The following ACBD6 variants were observed in gnomAD, a reference collection of about 807,000 sequenced individuals.
ACBD6 encodes the protein acyl-CoA-binding domain-containing protein 6.
A neutral mutation model predicts 37.2 loss-of-function variants in ACBD6; 28 were observed. The observed-to-expected ratio is 0.75, with a 90% confidence interval of 0.56 to 1.03. ACBD6 has a LOEUF of 1.03. ACBD6 is among the 50% of genes least tolerant of loss of function. ACBD6 has a pLI of 0.00. For synonymous variants in ACBD6, 113 were observed against 126.8 expected (o/e 0.89, Z 0.73); for missense variants, 340 against 337.4 (o/e 1.01, Z -0.06).
intron 2 of ACBD6, among the ~76,000 whole-genome samples, chr1:180,493,041 G>C (rs894077339): frequency 3.9e-5 from 6 of 151,932 alleles, no homozygotes; most frequent in Admixed American, 1.3e-4. Flanking sequence ...CTGAGGTCAG[G>C]AGTTTGAGAC....
chr1:180,350,702 C>A (rs748750633), intron 6 of ACBD6, among the ~76,000 whole-genome samples: 3 of 152,178 alleles, frequency 2.0e-5, no homozygotes, highest in Non-Finnish European at 2.9e-5. Flanking sequence ...ATCACCTAGC[C>A]TTTACAGTAC....
intron 4 of ACBD6, among the ~76,000 whole-genome samples, chr1:180,425,553 C>T (rs527623434): frequency 1.9e-4 from 29 of 152,240 alleles, no homozygotes; most frequent in Middle Eastern, 3.4e-3. Flanking sequence ...TCCAGAATGA[C>T]GGCCTGTTAA....
intron 6 of ACBD6, among the ~76,000 whole-genome samples, chr1:180,374,902 A>G (rs905232631): frequency 1.3e-5 from 2 of 152,162 alleles, no homozygotes; most frequent in Non-Finnish European, 2.9e-5. Context: ...GAATTTAATA[A>G]GAAATGTGTA....
intron 6 of ACBD6, among the ~76,000 whole-genome samples, chr1:180,338,921 C>G (rs1358020785): frequency 6.6e-6 from 1 of 152,166 alleles, no homozygotes. Flanking sequence ...CCAAAAGACA[C>G]ATGAAAAGAT....
intron 7 of ACBD6, among the ~76,000 whole-genome samples, chr1:180,309,065 T>C (rs1178295860): frequency 6.6e-6 from 1 of 152,206 alleles, no homozygotes; most frequent in Admixed American, 6.5e-5. Context: ...ATCTTATTCG[T>C]GTATTTCTAG....
intron 3 of ACBD6, among the ~76,000 whole-genome samples, chr1:180,447,459 ATAT>A (rs1649519495): frequency 6.6e-6 from 1 of 152,124 alleles, no homozygotes; most frequent in African/African-American, 2.4e-5. Context: ...TTAAGAATAA[ATAT>A]TATATTACTC....
intron 6 of ACBD6, among the ~76,000 whole-genome samples, chr1:180,338,779 C>A (rs1245470224): frequency 6.6e-6 from 1 of 152,142 alleles, no homozygotes; most frequent in Non-Finnish European, 1.5e-5. Context: ...GCAATCTACT[C>A]ATCTGACAAA....
chr1:180,420,881 C>A (rs934225590), intron 4 of ACBD6, among the ~76,000 whole-genome samples: 3 of 152,148 alleles, frequency 2.0e-5, no homozygotes, highest in Non-Finnish European at 4.4e-5. Flanking sequence ...TCCCTTCCTG[C>A]CTTAAATCCT....
chr1:180,464,930 GAA>G (rs1242858869), intron 3 of ACBD6, among the ~76,000 whole-genome samples: 1 of 152,034 alleles, frequency 6.6e-6, no homozygotes, highest in Admixed American at 6.6e-5. Context: ...AAGCAATGAG[GAA>G]AAGACTCCCT....
At chr1:180,382,740 A>G (rs1486675290) in intron 6 of ACBD6, among the ~76,000 whole-genome samples, 2 of 152,192 alleles carry the variant, frequency 1.3e-5, no homozygotes, top group Non-Finnish European at 2.9e-5. Flanking sequence ...AAATCAGATA[A>G]GGGCTCAACA....
At chr1:180,303,873 C>A (rs899095399) in intron 7 of ACBD6, among the ~76,000 whole-genome samples, 21 of 150,888 alleles carry the variant, frequency 1.4e-4, no homozygotes, top group African/African-American at 5.1e-4. Context: ...TACTGGCAAA[C>A]CGAATCCAGC....
intron 6 of ACBD6, among the ~76,000 whole-genome samples, chr1:180,337,813 G>A (rs999623038): frequency 5.9e-5 from 9 of 152,062 alleles, no homozygotes; most frequent in East Asian, 1.9e-4. Context: ...AAGTCTCAGG[G>A]TACAAAATCA....
At chr1:180,478,491 CTTT>C (rs761173473) in intron 3 of ACBD6, among the ~76,000 whole-genome samples, 27 of 145,106 alleles carry the variant, frequency 1.9e-4, no homozygotes, top group Admixed American at 2.8e-4. Flanking sequence ...ATAAATCTCT[CTTT>C]TTTTTTTTTT....
chr1:180,292,910 G>A (rs1186995345), intron 7 of ACBD6, among the ~76,000 whole-genome samples: 5 of 148,720 alleles, frequency 3.4e-5, no homozygotes, highest in African/African-American at 1.3e-4. Flanking sequence ...TTTGTTGTGA[G>A]TTTTTGTTGT....
chr1:180,454,923 G>A (rs557223075), intron 3 of ACBD6, among the ~76,000 whole-genome samples: 1 of 152,326 alleles, frequency 6.6e-6, no homozygotes, highest in Non-Finnish European at 1.5e-5. Context: ...CTGTTGGTGG[G>A]ACTGTAAACT....
intron 3 of ACBD6, among the ~76,000 whole-genome samples, chr1:180,452,998 C>A (rs1043277059): frequency 6.6e-6 from 1 of 152,156 alleles, no homozygotes; most frequent in African/African-American, 2.4e-5. Flanking sequence ...CAAAGAGGAG[C>A]TCATACCACT....
At chr1:180,309,066 G>A (rs1343162054) in intron 7 of ACBD6, among the ~76,000 whole-genome samples, 1 of 152,150 alleles carries the variant, frequency 6.6e-6, no homozygotes, top group African/African-American at 2.4e-5. Flanking sequence ...TCTTATTCGT[G>A]TATTTCTAGC....
At chr1:180,418,837 ACC>A (rs1471508567) in intron 4 of ACBD6, among the ~76,000 whole-genome samples, 5 of 152,186 alleles carry the variant, frequency 3.3e-5, no homozygotes, top group Non-Finnish European at 7.3e-5. Context: ...TTTCTGAAAA[ACC>A]TTGGTTTAAT....
chr1:180,274,803 G>T (rs920959329), exon 10 of ACBD6: 23 of 546,118 alleles, frequency 4.2e-5, no homozygotes, highest in South Asian at 1.4e-4. Flanking sequence ...CAGCACAGGG[G>T]GTAATGGCCT....
Sources: allele counts gnomAD v4.1 joint callset (sites outside exome capture counted in the v4.1 genomes callset), GRCh38; gene constraint gnomAD v4.1.1; transcripts MANE v1.5; gene names NCBI Gene and HGNC (gene_info 2026-07-23, HGNC 2026-07-21).